The following NALCN variants were observed in gnomAD, a reference collection of about 807,000 sequenced individuals.
The protein encoded by NALCN is sodium leak channel NALCN.
Under a neutral mutation model 225.3 loss-of-function variants are expected in NALCN, and 111 were observed. That is an observed-to-expected ratio of 0.49 (90% confidence interval 0.42 to 0.58). The LOEUF is 0.58. NALCN is among the 20% of genes least tolerant of loss of function. The pLI, the probability that NALCN is intolerant of heterozygous loss-of-function variation, is 0.00. For missense variants in NALCN, 1,378 were observed against 2,202.4 expected (o/e 0.63, Z 7.49); for synonymous variants, 764 against 769.0 (o/e 0.99, Z 0.11).
intron 15 of NALCN, among the ~76,000 whole-genome samples, chr13:101,175,532 T>C (rs905691475): frequency 1.3e-5 from 2 of 152,116 alleles, no homozygotes; most frequent in African/African-American, 4.8e-5. Flanking sequence ...ATTCTAACAG[T>C]TGGGTAGAGT....
At position 101,193,830 on chromosome 13, in the gene NALCN, C is replaced by T. The variant is rs186866427; in HGVS notation, c.1627-1776G>A. Among the ~76,000 whole-genome samples the T allele has an allele frequency of 5.9e-5, 9 of 152,094 alleles. No homozygotes were observed. The East Asian group carries it at 1.5e-3, about 26-fold the overall frequency. ...TTATTGTATCCAAAGGTGAGGAACA[C>T]GAATTCCAAAGATGATTCACATAAA... On this transcript the variant is annotated intron_variant, in intron 13 of 43. Transcript: ENST00000251127.
chr13:101,348,433 T>A (rs74735362), intron 6 of NALCN, among the ~76,000 whole-genome samples: 1,802 of 152,272 alleles, frequency 0.012, 35 homozygotes, highest in African/African-American at 0.041. Flanking sequence ...GTTGTAGATT[T>A]CCTAGATTGA....
chr13:101,104,824 G>C lies in NALCN; in HGVS notation c.2636+70C>G. 1.9e-6 allele frequency: 3 copies of C among 1,571,338 alleles called. No homozygotes were observed. The South Asian group carries it at 3.3e-5, about 17-fold the overall frequency. On this transcript the variant is annotated intron_variant, in intron 23 of 43. Transcript: ENST00000251127. This position sits in a 1 kb window ranked among gnomAD's most constrained non-coding sequence, Gnocchi z 4.2. ...AAGAAAATAAAAGAGAATTTTAATC[G>C]TTGTATGCAGCATAAAATAGTACAT...
chr13:101,199,234 C>T (rs576635401), intron 13 of NALCN, among the ~76,000 whole-genome samples: 1 of 151,862 alleles, frequency 6.6e-6, no homozygotes, highest in East Asian at 2.0e-4. Context: ...CATATATATA[C>T]ATATGTAACA....
At position 101,156,032 on chromosome 13, in the gene NALCN, G is replaced by A. The variant is rs369402767; in HGVS notation, c.1840-11136C>T. ...TTCAATCATGTATCTGTATAAATAT[G>A]TATTTGTGACTATTTATTGTATTCT... On this transcript the variant is annotated intron_variant, in intron 15 of 43. Coordinates refer to ENST00000251127, the MANE Select transcript of NALCN (RefSeq NM_052867.4). Among the ~76,000 whole-genome samples the A allele has an allele frequency of 1.1e-4, 16 of 152,108 alleles. No individual in the cohort carries two copies. In the East Asian group the frequency reaches 2.7e-3, roughly 26 times the overall value.
chr13:101,329,344 G>C (rs1421809398), intron 7 of NALCN, among the ~76,000 whole-genome samples: 1 of 152,108 alleles, frequency 6.6e-6, no homozygotes, highest in African/African-American at 2.4e-5. Flanking sequence ...TTGAATATTT[G>C]CTGCAATTAA....
At chr13:101,335,900 C>T (rs2045362541) in intron 7 of NALCN, among the ~76,000 whole-genome samples, 1 of 151,976 alleles carries the variant, frequency 6.6e-6, no homozygotes, top group Non-Finnish European at 1.5e-5. Flanking sequence ...ATGAAATATG[C>T]TTTAATATCA....
chr13:101,319,546 G>GA (rs1026222483), intron 7 of NALCN, among the ~76,000 whole-genome samples: 3 of 152,062 alleles, frequency 2.0e-5, no homozygotes, highest in African/African-American at 7.2e-5. Context: ...TTGATTACAT[G>GA]TTTTTAGAAG....
intron 7 of NALCN, among the ~76,000 whole-genome samples, chr13:101,313,732 C>G (rs996449545): frequency 1.4e-4 from 21 of 152,120 alleles, no homozygotes; most frequent in Admixed American, 7.2e-4. Context: ...ACTAGTTCAA[C>G]CCTTGTGGAA....
chr13:101,287,300 G>A (rs2043374252), intron 9 of NALCN, among the ~76,000 whole-genome samples: 1 of 152,112 alleles, frequency 6.6e-6, no homozygotes, highest in Admixed American at 6.6e-5. Context: ...TCTTTTTTAA[G>A]AAAAGAAAAG....
At chr13:101,333,192 A>T (rs7324784) in intron 7 of NALCN, among the ~76,000 whole-genome samples, 19,685 of 152,128 alleles carry the variant, frequency 0.13, 2,234 homozygotes, top group African/African-American at 0.31. Flanking sequence ...TCACTTTTCT[A>T]CTTACCTAAA....
intron 12 of NALCN, among the ~76,000 whole-genome samples, chr13:101,234,590 T>C (rs1366800066): frequency 2.0e-5 from 3 of 152,222 alleles, no homozygotes; most frequent in Non-Finnish European, 4.4e-5. Flanking sequence ...GCAAAAACCC[T>C]TGTGACACCT....
chr13:101,144,940 T>TA (rs1322549131), intron 15 of NALCN, 44 bp from the exon 16 acceptor site: 25 of 1,546,296 alleles, frequency 1.6e-5, no homozygotes, highest in Admixed American at 1.1e-4. Context: ...GAACCTATAA[T>TA]ACTATTATAT....
chr13:101,246,010 C>T (rs1300781949), intron 11 of NALCN, among the ~76,000 whole-genome samples: 2 of 152,168 alleles, frequency 1.3e-5, no homozygotes, highest in African/African-American at 4.8e-5. Flanking sequence ...GATTCTGTAT[C>T]TGGGGCCCTT....
At position 101,100,899 on chromosome 13, in the gene NALCN, T is replaced by C. The variant is rs201506269; in HGVS notation, c.3058-11A>G. 58 of 1,598,590 alleles carry C rather than the reference T, an allele frequency of 3.6e-5. No individual in the cohort carries two copies. The African/African-American group carries it at 5.5e-4, about 15-fold the overall frequency. On this transcript the variant is annotated splice_polypyrimidine_tract_variant and intron_variant, in intron 26 of 43. Coordinates refer to ENST00000251127, the MANE Select transcript of NALCN (RefSeq NM_052867.4). ...CAAAAGAATGGAGACCTGAAAGAAA[T>C]TGATGAAATGTTAAATCTCTTGTTA... is the stretch of plus-strand genomic sequence containing the variant.
At chr13:101,404,378 CTTATT>C (rs2047560021) in intron 1 of NALCN, among the ~76,000 whole-genome samples, 1 of 152,110 alleles carries the variant, frequency 6.6e-6, no homozygotes, top group Non-Finnish European at 1.5e-5. Context: ...TAATTCTATT[CTTATT>C]TTATTTTCAT....
intron 15 of NALCN, among the ~76,000 whole-genome samples, chr13:101,153,030 G>A (rs531692484): frequency 1.5e-4 from 23 of 151,680 alleles, no homozygotes; most frequent in African/African-American, 5.1e-4. Context: ...ACACAAACAC[G>A]CACATACACT....
At chr13:101,208,458 G>T (rs551478997) in intron 13 of NALCN, among the ~76,000 whole-genome samples, 1 of 152,278 alleles carries the variant, frequency 6.6e-6, no homozygotes, top group East Asian at 1.9e-4. Context: ...CAACAATTCC[G>T]GACACAGTAT....
intron 13 of NALCN, among the ~76,000 whole-genome samples, chr13:101,228,118 A>T (rs547037716): frequency 1.2e-3 from 181 of 152,252 alleles, no homozygotes; most frequent in African/African-American, 4.2e-3. Context: ...TGTCCCCATG[A>T]TTACCTAAAT....
Sources: allele counts gnomAD v4.1 joint callset (sites outside exome capture counted in the v4.1 genomes callset), GRCh38; gene constraint gnomAD v4.1.1; non-coding constraint Gnocchi (gnomAD v3.1); transcripts MANE v1.5; gene names NCBI Gene and HGNC (gene_info 2026-07-23, HGNC 2026-07-21).